Variants in PIP5K1C observed in about 807,000 individuals in gnomAD.
PIP5K1C encodes the protein phosphatidylinositol-4-phosphate 5-kinase type 1 gamma, also known as phosphatidylinositol 4-phosphate 5-kinase type-1 gamma.
In PIP5K1C, 45 loss-of-function variants were observed where a neutral mutation model predicts 80.1. The ratio of observed to expected loss-of-function variants is 0.56; its 90% CI spans 0.44 to 0.72. The LOEUF is 0.72. Ranked by LOEUF, PIP5K1C falls within the 30% of genes least tolerant of loss-of-function variation. The probability of loss-of-function intolerance (pLI) is 0.00; values close to 1 mark genes in which losing one functional copy is unlikely to be tolerated. For synonymous variants in PIP5K1C, 498 were observed against 420.1 expected, an observed-to-expected ratio of 1.19 and a Z score of -2.27; for missense variants, 753 against 954.6, an observed-to-expected ratio of 0.79 and a Z score of 2.78.
chr19:3,649,094 T>A (rs2034358353), intron 8 of PIP5K1C, among the ~76,000 whole-genome samples: 2 of 127,526 alleles, frequency 1.6e-5, no homozygotes, highest in African/African-American at 6.1e-5. Context: ...AGCGCGGGAG[T>A]TAACTGTCAC....
chr19:3,690,961 G>A (rs780731287), intron 1 of PIP5K1C, among the ~76,000 whole-genome samples: 2 of 152,124 alleles, frequency 1.3e-5, no homozygotes, highest in Non-Finnish European at 2.9e-5. Flanking sequence ...TGGTGACCCC[G>A]TCTCCCTGGT....
Position 3,633,485 on chromosome 19 carries a change from G to T in PIP5K1C, c.1956C>A (p.Leu652=), listed in dbSNP as rs1186413450. ...CCGGGGGGGCCTGGGCGCTATAGTG[G>T]AGCGGGGAGTACACCCAGCTCCTCT... ...TDERSWVYSP[L]HYSAQAPPAS... Residue 652 remains leucine, a synonymous_variant, in exon 17 of 18, where the codon CTC becomes CTA. Transcript: ENST00000335312. 1 of 1,513,442 alleles carries T rather than the reference G, an allele frequency of 6.6e-7. No homozygotes were observed. Among genetic ancestry groups the T allele is most frequent in the Admixed American group, 2.1e-5 (1 of 47,428 alleles). The allele number at this position is 1,513,442 out of a possible 1,614,324, so 93.8% of individuals were successfully genotyped here.
At chr19:3,698,456 G>A (rs1305000111) in intron 1 of PIP5K1C, among the ~76,000 whole-genome samples, 2 of 152,226 alleles carry the variant, frequency 1.3e-5, no homozygotes, top group East Asian at 3.9e-4. Flanking sequence ...ACATAGGGTG[G>A]GGAGACTCCA....
intron 2 of PIP5K1C, among the ~76,000 whole-genome samples, chr19:3,665,370 C>A (rs2034973506): frequency 6.6e-6 from 1 of 152,172 alleles, no homozygotes; most frequent in Non-Finnish European, 1.5e-5. Context: ...TGTCCCCACA[C>A]AACTCTGCAA....
rs2145627803 is a variant in PIP5K1C at position 3,696,564 on chromosome 19, C to T, written c.94+3733G>A. Reference sequence around the variant, plus strand: ...ATGCTCCCACAAAACCTGGAAAGCGCTAAGGGAGCAAAGGACACAGATGGG... The same window carrying T: ...ATGCTCCCACAAAACCTGGAAAGCGTTAAGGGAGCAAAGGACACAGATGGG... On this transcript the variant is annotated intron_variant, in intron 1 of 17. Coordinates refer to ENST00000335312, the MANE Select transcript of PIP5K1C (RefSeq NM_012398.3). The surrounding 1 kb of genome is among the most constrained non-coding windows in gnomAD (Gnocchi z 4.1). 7.5e-6 allele frequency among the ~76,000 whole-genome samples: 1 copy of T among 132,800 alleles called. No individual in the cohort carries two copies. The highest frequency in any genetic ancestry group is 1.5e-5 in the Non-Finnish European group (1 of 65,628). 87.1% of individuals were successfully genotyped at this position (132,800 alleles called of 152,430 possible).
At chr19:3,681,618 C>T (rs1021731315) in intron 1 of PIP5K1C, among the ~76,000 whole-genome samples, 1 of 152,118 alleles carries the variant, frequency 6.6e-6, no homozygotes, top group Non-Finnish European at 1.5e-5. Flanking sequence ...CTGCAAGCTG[C>T]GTCTCTGACC....
At chr19:3,677,143 T>C (rs1274400874) in intron 1 of PIP5K1C, among the ~76,000 whole-genome samples, 1 of 151,652 alleles carries the variant, frequency 6.6e-6, no homozygotes, top group Non-Finnish European at 1.5e-5. Context: ...ATGAAAGAAG[T>C]ATAAAGCAAA....
Position 3,638,597 on chromosome 19 carries a change from G to A in PIP5K1C, c.1920+287C>T, listed in dbSNP as rs1334608903. 3.3e-5 allele frequency among the ~76,000 whole-genome samples: 5 copies of A among 152,244 alleles called. No individual in the cohort carries two copies. In the East Asian group the frequency reaches 5.8e-4, roughly 18 times the overall value. On this transcript the variant is annotated intron_variant, in intron 16 of 17. Coordinates refer to ENST00000335312, the MANE Select transcript of PIP5K1C (RefSeq NM_012398.3). ...CAGAAGGTGCCGTGGGCACAAGGCC[G>A]GGGAAGGGGACAGGGGTGGCTCTGG... is the stretch of plus-strand genomic sequence containing the variant.
rs373869904 is a variant in PIP5K1C, at chr19:3,648,678, G to C, written c.1158C>G (p.Arg386=). ...TMGGIPAVNG[R]GERLLLHIGI... is the part of the protein sequence containing the mutation. ...CAATGTGCAGCAGCAGCCGCTCCCC[G>C]CGGCCGTTCACAGCGGGGATCCCGC... The change falls in exon 9 of 18, where the codon CGC becomes CGG. Residue 386 remains arginine (R), a synonymous_variant. Coordinates refer to ENST00000335312, the MANE Select transcript of PIP5K1C (RefSeq NM_012398.3). This position sits in a 1 kb window ranked among gnomAD's most constrained non-coding sequence, Gnocchi z 4.3. 6.2e-7 allele frequency: 1 copy of C among 1,613,034 alleles called. No individual in the cohort carries two copies. The highest frequency in any genetic ancestry group is 1.7e-5 in the Admixed American group (1 of 60,022).
Position 3,644,261 on chromosome 19 carries a change from A to G in PIP5K1C, c.1346-10T>C, listed in dbSNP as rs1157846380. ...GGCGAGGACTTCAGGGCTGCAGGGA[A>G]GGGTGGGGGTTGGTGCTTGGGGTTG... On this transcript the variant is annotated splice_polypyrimidine_tract_variant and intron_variant, in intron 11 of 17. Coordinates refer to ENST00000335312, the MANE Select transcript of PIP5K1C (RefSeq NM_012398.3). The G allele has an allele frequency of 5.0e-6, 8 of 1,610,744 alleles. No individual in the cohort carries two copies. Among genetic ancestry groups the G allele is most frequent in the East Asian group, 4.5e-5 (2 of 44,830 alleles).
intron 1 of PIP5K1C, among the ~76,000 whole-genome samples, chr19:3,686,386 C>T (rs1453931542): frequency 2.6e-5 from 4 of 151,644 alleles, no homozygotes; most frequent in Non-Finnish European, 5.9e-5. Context: ...CGCCACTGCA[C>T]TCCAGCCTGG....
intron 7 of PIP5K1C, among the ~76,000 whole-genome samples, chr19:3,652,232 C>T (rs1201703036): frequency 6.6e-6 from 1 of 152,244 alleles, no homozygotes; most frequent in Non-Finnish European, 1.5e-5. Flanking sequence ...GGCATCAGAG[C>T]AGGCCAGAGA....
rs565868185 is a variant in PIP5K1C at position 3,632,131 on chromosome 19, C to G, written c.*1036G>C. ...GAAACAAAGTCTTCTCTCCCCTCCT[C>G]GGAGACATCACATCACTTAAACAAG... is the stretch of plus-strand genomic sequence containing the variant. On this transcript the variant is annotated 3_prime_UTR_variant, in exon 18 of 18. Coordinates refer to ENST00000335312, the MANE Select transcript of PIP5K1C (RefSeq NM_012398.3). 1 of 152,436 alleles carries G rather than the reference C, an allele frequency of 6.6e-6. No homozygotes were observed. The highest frequency in any genetic ancestry group is 1.5e-5 in the Non-Finnish European group (1 of 68,072). The allele number at this position is 152,436 out of a possible 1,614,324, so 9.4% of individuals were successfully genotyped here. A position where few individuals can be genotyped will look rare whatever the true frequency, so the allele number is the denominator to read the frequency against.
rs553278916 is a variant in PIP5K1C, at chr19:3,636,437, C to T, written c.1920+2447G>A. The stretch of plus-strand genomic sequence containing the variant: ...CCTGCTGCCGAGACCACCCTCCCCA[C>T]GTCTGCCCCTTCAAGTCAGGTGTTT... On this transcript the variant is annotated intron_variant, in intron 16 of 17. Coordinates refer to ENST00000335312, the MANE Select transcript of PIP5K1C (RefSeq NM_012398.3). The T allele has an allele frequency of 5.5e-5, 54 of 985,468 alleles. No homozygotes were observed. The African/African-American group carries it at 8.0e-4, about 15-fold the overall frequency. The allele number at this position is 985,468 out of a possible 1,614,324, so 61.0% of individuals were successfully genotyped here.
At chr19:3,670,298 G>C (rs1044035442) in intron 1 of PIP5K1C, among the ~76,000 whole-genome samples, 1 of 152,218 alleles carries the variant, frequency 6.6e-6, no homozygotes, top group African/African-American at 2.4e-5. Flanking sequence ...GAGAGTCTTT[G>C]CTGATGTCAT....
Position 3,637,010 on chromosome 19 carries a change from C to G in PIP5K1C, c.1920+1874G>C, listed in dbSNP as rs770631391. 1.2e-4 allele frequency: 121 copies of G among 1,046,576 alleles called. No individual in the cohort carries two copies. Among genetic ancestry groups the G allele is most frequent in the Middle Eastern group, 4.6e-4 (1 of 2,178 alleles). The allele number at this position is 1,046,576 out of a possible 1,614,324, so 64.8% of individuals were successfully genotyped here. On this transcript the variant is annotated intron_variant, in intron 16 of 17. Coordinates refer to ENST00000335312, the MANE Select transcript of PIP5K1C (RefSeq NM_012398.3). The surrounding 1 kb of genome is among the most constrained non-coding windows in gnomAD (Gnocchi z 7.0). Reference sequence around the variant, plus strand: ...TGGTCTCCCAGGCTCCCAGGGGAGCCGAGGCCTCAGCGCCTCCATCTGTGA... The same window carrying G: ...TGGTCTCCCAGGCTCCCAGGGGAGCGGAGGCCTCAGCGCCTCCATCTGTGA...
At chr19:3,634,476 C>A (rs2033592079) in intron 16 of PIP5K1C, among the ~76,000 whole-genome samples, 1 of 152,212 alleles carries the variant, frequency 6.6e-6, no homozygotes, top group Admixed American at 6.5e-5. Flanking sequence ...CTGGCCTCGG[C>A]CTGAAGTGCC....
chr19:3,671,829 C>A (rs2035215572), intron 1 of PIP5K1C, among the ~76,000 whole-genome samples: 1 of 152,248 alleles, frequency 6.6e-6, no homozygotes, highest in Non-Finnish European at 1.5e-5. Context: ...CTGCCGTGAC[C>A]CCCATAGGGG....
chr19:3,640,941 C>A (rs2033934995), intron 15 of PIP5K1C, among the ~76,000 whole-genome samples: 1 of 152,148 alleles, frequency 6.6e-6, no homozygotes, highest in South Asian at 2.1e-4. Flanking sequence ...CCTGCCTCAG[C>A]CTCCCAAAGT....
Sources: gnomAD v4.1 joint callset for allele counts (sites outside exome capture counted in the v4.1 genomes callset) on GRCh38, gnomAD v4.1.1 for gene constraint, Gnocchi (gnomAD v3.1) non-coding constraint, MANE v1.5 for transcripts, NCBI Gene and HGNC (gene_info 2026-07-23, HGNC 2026-07-21) for gene names.